RIMBP2: variants seen among roughly 807,000 people sequenced by gnomAD.
The protein encoded by RIMBP2 is RIMS binding protein 2.
Under a neutral mutation model 118.6 loss-of-function variants are expected in RIMBP2, and 48 were observed. That is an observed-to-expected ratio of 0.40 (90% CI 0.32 to 0.51). The LOEUF (loss-of-function observed/expected upper bound fraction) is 0.51, where lower values mean the gene tolerates loss of function less well. Among genes scored for constraint, RIMBP2 ranks in the 20% least tolerant of loss-of-function variants. The pLI, the probability that RIMBP2 is intolerant of heterozygous loss-of-function variation, is 0.41. For synonymous variants in RIMBP2, 762 were observed against 742.9 expected, an observed-to-expected ratio of 1.03 and a Z score of -0.42; for missense variants, 1,551 against 1,768.3, an observed-to-expected ratio of 0.88 and a Z score of 2.20.
chr12:130,399,707 T>C lies in RIMBP2; in HGVS notation c.3872A>G (p.Asp1291Gly). The C allele has an allele frequency of 6.2e-7, 1 of 1,614,194 alleles. No homozygotes were observed. The highest frequency in any genetic ancestry group is 8.5e-7 in the Non-Finnish European group (1 of 1,180,040). Residue 1291 changes from aspartate (D) to glycine (G), a missense_variant, in exon 22 of 23, where the codon GAT (aspartate) becomes GGT (glycine). This residue lies in a region of RIMBP2 where 1,038 missense variants were observed against 1,125.1 expected (regional missense o/e 0.92). Coordinates refer to ENST00000690449, the MANE Select transcript of RIMBP2 (RefSeq NM_001393629.1). Reference protein sequence around the residue: ...LSDAPSHYSQDTPMRSKAKRV... With the variant: ...LSDAPSHYSQGTPMRSKAKRV... ...TTTTGCCTTTGAGCGCATTGGCGTA[T>C]CTTGAGAGTAGTGGGATGGAGCATC...
chr12:130,702,515 CA>C (rs11309202), intron 1 of RIMBP2, among the ~76,000 whole-genome samples: 85,925 of 131,300 alleles, frequency 0.65, 28,519 homozygotes, highest in Middle Eastern at 0.78. Flanking sequence ...GACTCTGTCT[CA>C]AAAAAAAAAT....
intron 17 of RIMBP2, among the ~76,000 whole-genome samples, chr12:130,416,703 A>G (rs944409309): frequency 1.3e-5 from 2 of 152,210 alleles, no homozygotes; most frequent in Admixed American, 6.5e-5. Flanking sequence ...CAATTGCCAC[A>G]CAAACAAAAA....
intron 1 of RIMBP2, among the ~76,000 whole-genome samples, chr12:130,662,264 G>GGCTT (rs2063695751): frequency 6.6e-6 from 1 of 152,146 alleles, no homozygotes; most frequent in Non-Finnish European, 1.5e-5. Context: ...GGTGCATGAG[G>GGCTT]GCTTGCACAG....
intron 2 of RIMBP2, among the ~76,000 whole-genome samples, chr12:130,626,718 TCAC>T (rs2061658629): frequency 6.7e-6 from 1 of 149,026 alleles, no homozygotes; most frequent in African/African-American, 2.5e-5. Flanking sequence ...ACCTCCTCCA[TCAC>T]CACAACTACC....
chr12:130,430,947 C>T (rs1288134501), intron 14 of RIMBP2, among the ~76,000 whole-genome samples: 1 of 152,108 alleles, frequency 6.6e-6, no homozygotes, highest in Non-Finnish European at 1.5e-5. Flanking sequence ...ACAGTCTTTA[C>T]GTAATGTGTA....
Position 130,408,130 on chromosome 12 carries a change from A to C in RIMBP2, c.3590-301T>G, listed in dbSNP as rs147471825. Reference sequence around the variant, plus strand: ...CTCACATGAAGCACGGGGCTCTCGAACAGCAAATTTAGACGGCTTTGGCCA... The same window carrying C: ...CTCACATGAAGCACGGGGCTCTCGACCAGCAAATTTAGACGGCTTTGGCCA... On this transcript the variant is annotated intron_variant, in intron 19 of 22. Transcript: ENST00000690449. Among the ~76,000 whole-genome samples, 426 of 152,330 alleles carry C rather than the reference A, an allele frequency of 2.8e-3. 3 individuals carry two copies. The highest frequency in any genetic ancestry group is 9.5e-3 in the African/African-American group (396 of 41,572).
At chr12:130,641,275 G>T (rs753069917) in intron 1 of RIMBP2, among the ~76,000 whole-genome samples, 2 of 152,150 alleles carry the variant, frequency 1.3e-5, no homozygotes, top group Non-Finnish European at 2.9e-5. Flanking sequence ...TCCCAAGACT[G>T]CAGGAAGCCT....
chr12:130,654,852 TCA>T (rs1215884179), intron 1 of RIMBP2, among the ~76,000 whole-genome samples: 1 of 152,144 alleles, frequency 6.6e-6, no homozygotes, highest in East Asian at 1.9e-4. Context: ...AGCCAGCATG[TCA>T]CACAGTGACA....
chr12:130,649,778 G>A (rs1300346824), intron 1 of RIMBP2, among the ~76,000 whole-genome samples: 3 of 152,074 alleles, frequency 2.0e-5, no homozygotes, highest in Non-Finnish European at 4.4e-5. Flanking sequence ...CACCAAGACA[G>A]CACCCGAACA....
intron 2 of RIMBP2, among the ~76,000 whole-genome samples, chr12:130,584,719 A>ATCACTATCACAACCATTACATCG (rs1566310525): frequency 4.3e-4 from 66 of 152,236 alleles, no homozygotes; most frequent in African/African-American, 1.6e-3. Flanking sequence ...CCATTACATC[A>ATCACTATCACAACCATTACATCG]TCACTATCAC....
rs2058213469 is a variant in RIMBP2, at chr12:130,578,092, G to C, written c.-217+50230C>G. 6.6e-6 allele frequency among the ~76,000 whole-genome samples: 1 copy of C among 152,166 alleles called. No individual in the cohort carries two copies. The highest frequency in any genetic ancestry group is 1.5e-5 in the Non-Finnish European group (1 of 68,034). ...TGTGAACTGGATGGTTTCACATTAA[G>C]CCATTATCACCCAGTAGCACACTGT... On this transcript the variant is annotated intron_variant, in intron 2 of 22. Transcript: ENST00000690449. This position sits in a 1 kb window ranked among gnomAD's most constrained non-coding sequence, Gnocchi z 4.1.
intron 1 of RIMBP2, among the ~76,000 whole-genome samples, chr12:130,692,859 G>GGTAGA (rs2065381159): frequency 7.5e-6 from 1 of 133,802 alleles, no homozygotes. Context: ...GATAGGGTAG[G>GGTAGA]GTAGGGTAGG....
chr12:130,693,547 C>T (rs1460773054), intron 1 of RIMBP2, among the ~76,000 whole-genome samples: 1 of 152,210 alleles, frequency 6.6e-6, no homozygotes, highest in Non-Finnish European at 1.5e-5. Flanking sequence ...GAAAGGCTCT[C>T]AGGCCAGAAA....
At chr12:130,439,671 G>T in intron 11 of RIMBP2, among the ~76,000 whole-genome samples, 2 of 115,344 alleles carry the variant, frequency 1.7e-5, no homozygotes, top group East Asian at 3.1e-4. Flanking sequence ...TTTTTGTGTG[G>T]GGGGTGTATG....
intron 2 of RIMBP2, among the ~76,000 whole-genome samples, chr12:130,598,621 G>A (rs2059690499): frequency 6.6e-6 from 1 of 151,986 alleles, no homozygotes; most frequent in African/African-American, 2.4e-5. Context: ...CCAGCTACTT[G>A]GGAGGCTGAG....
chr12:130,565,881 T>A (rs2057181164), intron 2 of RIMBP2, among the ~76,000 whole-genome samples: 1 of 152,214 alleles, frequency 6.6e-6, no homozygotes, highest in South Asian at 2.1e-4. Context: ...AAGAGCCAAT[T>A]TATTGCCATA....
intron 2 of RIMBP2, among the ~76,000 whole-genome samples, chr12:130,548,667 G>A (rs560133884): frequency 1.4e-4 from 22 of 152,104 alleles, no homozygotes; most frequent in East Asian, 5.8e-4. Context: ...TCCACCTCCC[G>A]GGTTCAAGCA....
chr12:130,640,278 G>A (rs963873444), intron 1 of RIMBP2, among the ~76,000 whole-genome samples: 6 of 152,082 alleles, frequency 3.9e-5, no homozygotes, highest in Non-Finnish European at 5.9e-5. Context: ...CACACTTACC[G>A]CTCAAGAGCA....
intron 2 of RIMBP2, among the ~76,000 whole-genome samples, chr12:130,563,983 T>C (rs1287998274): frequency 2.1e-5 from 3 of 145,744 alleles, no homozygotes; most frequent in Non-Finnish European, 3.0e-5. Flanking sequence ...GCTCACTCCA[T>C]CTCTACCACA....
Sources: gnomAD v4.1 joint callset for allele counts (sites outside exome capture counted in the v4.1 genomes callset) on GRCh38, gnomAD v4.1.1 for gene constraint, gnomAD v4.1.1 regional missense constraint, Gnocchi (gnomAD v3.1) non-coding constraint, MANE v1.5 for transcripts, NCBI Gene and HGNC (gene_info 2026-07-23, HGNC 2026-07-21) for gene names.